The following CCDC60 variants were observed in gnomAD, a reference collection of about 807,000 sequenced individuals.
The protein encoded by CCDC60 is coiled-coil domain-containing protein 60.
A neutral mutation model predicts 63.5 loss-of-function variants in CCDC60; 54 were observed. That is an observed-to-expected ratio of 0.85 (90% CI 0.68 to 1.07). The LOEUF (loss-of-function observed/expected upper bound fraction) is 1.07, where lower values mean the gene tolerates loss of function less well. CCDC60 is among the 50% of genes least tolerant of loss of function. The pLI, the probability that CCDC60 is intolerant of heterozygous loss-of-function variation, is 0.00. For synonymous variants in CCDC60, 206 were observed against 238.8 expected (o/e 0.86, Z 1.27); for missense variants, 651 against 684.3 (o/e 0.95, Z 0.54).
At chr12:119,380,784 A>G (rs1227496355) in intron 1 of CCDC60, among the ~76,000 whole-genome samples, 1 of 152,242 alleles carries the variant, frequency 6.6e-6, no homozygotes, top group Non-Finnish European at 1.5e-5. Flanking sequence ...CCTCAGGCTC[A>G]GAGCCTTGTG....
At chr12:119,386,820 C>G (rs926909222) in intron 1 of CCDC60, among the ~76,000 whole-genome samples, 1 of 152,152 alleles carries the variant, frequency 6.6e-6, no homozygotes, top group Non-Finnish European at 1.5e-5. Flanking sequence ...CAGTCATTAC[C>G]AACCGAGCAT....
intron 1 of CCDC60, among the ~76,000 whole-genome samples, chr12:119,352,460 A>G (rs1955665949): frequency 6.6e-6 from 1 of 152,208 alleles, no homozygotes; most frequent in African/African-American, 2.4e-5. Flanking sequence ...TTTTACAGAT[A>G]AGAAAACAAA....
In CCDC60 at chr12:119,334,774, C is replaced by T. The variant is rs1301802461; in HGVS notation, c.-403C>T. ...TTGGGGCCGCCTTAGTTCTCGGCCGCTCTCGGAGGATGGCGATCTGGGAGC... is the reference window on the plus strand; with the variant it reads ...TTGGGGCCGCCTTAGTTCTCGGCCGTTCTCGGAGGATGGCGATCTGGGAGC... On this transcript the variant is annotated 5_prime_UTR_variant, in exon 1 of 14. Coordinates refer to ENST00000327554, the MANE Select transcript of CCDC60 (RefSeq NM_178499.5). The T allele has an allele frequency of 6.5e-6, 1 of 153,396 alleles. No homozygotes were observed. The highest frequency in any genetic ancestry group is 2.4e-5 in the African/African-American group (1 of 41,432). The allele number at this position is 153,396 out of a possible 1,614,324, so 9.5% of individuals were successfully genotyped here.
chr12:119,527,011 A>C (rs545574832), intron 11 of CCDC60, among the ~76,000 whole-genome samples: 41 of 152,334 alleles, frequency 2.7e-4, no homozygotes, highest in African/African-American at 8.9e-4. Context: ...CACAGAATCA[A>C]TCTAAATGCC....
intron 1 of CCDC60, among the ~76,000 whole-genome samples, chr12:119,386,524 TA>T (rs1956064241): frequency 6.8e-6 from 1 of 148,014 alleles, no homozygotes; most frequent in African/African-American, 2.5e-5. Context: ...AAGCAACCAG[TA>T]ACAGTGAGCT....
intron 1 of CCDC60, among the ~76,000 whole-genome samples, chr12:119,385,725 A>G (rs895560880): frequency 6.6e-6 from 1 of 152,210 alleles, no homozygotes; most frequent in African/African-American, 2.4e-5. Flanking sequence ...TTTTTGCTAC[A>G]TGGACTTGGT....
At chr12:119,455,361 A>G (rs564775380) in intron 2 of CCDC60, among the ~76,000 whole-genome samples, 28 of 152,370 alleles carry the variant, frequency 1.8e-4, no homozygotes, top group African/African-American at 6.3e-4. Flanking sequence ...CAAGTCAATC[A>G]GCAATCACCA....
intron 11 of CCDC60, among the ~76,000 whole-genome samples, chr12:119,525,620 C>T (rs1952659490): frequency 6.6e-6 from 1 of 152,320 alleles, no homozygotes; most frequent in Middle Eastern, 3.4e-3. Flanking sequence ...CACCACCAAA[C>T]TTGCCTTCCA....
intron 1 of CCDC60, among the ~76,000 whole-genome samples, chr12:119,415,971 C>G (rs1335063995): frequency 1.3e-5 from 2 of 152,102 alleles, no homozygotes; most frequent in African/African-American, 4.8e-5. Context: ...GGGTACTGAG[C>G]TCTCCCACTT....
At chr12:119,495,034 G>A (rs1593171094) in intron 5 of CCDC60, among the ~76,000 whole-genome samples, 1 of 152,294 alleles carries the variant, frequency 6.6e-6, no homozygotes, top group Admixed American at 6.5e-5. Flanking sequence ...GAAAATGGCT[G>A]GCACTTGAGT....
intron 4 of CCDC60, among the ~76,000 whole-genome samples, chr12:119,487,436 T>A (rs564334351): frequency 3.9e-5 from 6 of 151,966 alleles, no homozygotes; most frequent in African/African-American, 1.2e-4. Flanking sequence ...TAGCTGGGAT[T>A]ACAGGGGCCT....
In CCDC60 at chr12:119,524,721, C is replaced by CTTTTTTTT. The variant is rs55694840; in HGVS notation, c.1229+915_1229+922dup. On this transcript the variant is annotated intron_variant, in intron 11 of 13. Transcript: ENST00000327554. ...ACAGCAGTTTCTTTTCTTTTCTTTTCTTTTTTTTTTTTTTTTTTTGAGACA... is the reference window on the plus strand; with the variant it reads ...ACAGCAGTTTCTTTTCTTTTCTTTTCTTTTTTTTTTTTTTTTTTTTTTTTTTTGAGACA... Among the ~76,000 whole-genome samples the CTTTTTTTT allele has an allele frequency of 1.2e-3, 115 of 98,890 alleles. 1 individual carries two copies. The highest frequency in any genetic ancestry group is 2.3e-3 in the South Asian group (7 of 3,028). 64.9% of individuals were successfully genotyped at this position (98,890 alleles called of 152,430 possible). A position where few individuals can be genotyped will look rare whatever the true frequency, so the allele number is the denominator to read the frequency against.
At position 119,496,625 on chromosome 12, in the gene CCDC60, C is replaced by T. The variant is rs531792881; in HGVS notation, c.558-3453C>T. On this transcript the variant is annotated intron_variant, in intron 5 of 13. Coordinates refer to ENST00000327554, the MANE Select transcript of CCDC60 (RefSeq NM_178499.5). ...CTCTCTGTACACAGCACCCATGAAG[C>T]CCTTAATAAGCCCCATTTCTTTTCA... Among the ~76,000 whole-genome samples the T allele has an allele frequency of 1.6e-4, 25 of 152,268 alleles. No homozygotes were observed. The East Asian group carries it at 4.3e-3, about 26-fold the overall frequency.
rs551893504 is a variant in CCDC60, at chr12:119,456,549, T to G, written c.171-15445T>G. On this transcript the variant is annotated intron_variant, in intron 2 of 13. Transcript: ENST00000327554. The surrounding 1 kb of genome is among the most constrained non-coding windows in gnomAD (Gnocchi z 4.6). ...CAATCCAGACCCCAAGAGAAGGTTCTTGGATCTTGCACAAGAAAGAATTCA... is the reference window on the plus strand; with the variant it reads ...CAATCCAGACCCCAAGAGAAGGTTCGTGGATCTTGCACAAGAAAGAATTCA... Among the ~76,000 whole-genome samples the G allele has an allele frequency of 6.2e-3, 943 of 152,320 alleles. 12 individuals carry two copies. Among genetic ancestry groups the G allele is most frequent in the African/African-American group, 0.021 (891 of 41,570 alleles).
At chr12:119,416,766 T>A (rs1387576718) in intron 1 of CCDC60, among the ~76,000 whole-genome samples, 1 of 151,794 alleles carries the variant, frequency 6.6e-6, no homozygotes, top group Non-Finnish European at 1.5e-5. Flanking sequence ...GTGCCCTGAG[T>A]TTTTTCAAAA....
At chr12:119,373,762 T>C (rs1459848901) in intron 1 of CCDC60, among the ~76,000 whole-genome samples, 1 of 152,154 alleles carries the variant, frequency 6.6e-6, no homozygotes, top group African/African-American at 2.4e-5. Flanking sequence ...TGGCTTAGCC[T>C]CTTTTCTAGC....
chr12:119,371,652 A>G (rs1018273600), intron 1 of CCDC60, among the ~76,000 whole-genome samples: 7 of 152,124 alleles, frequency 4.6e-5, no homozygotes, highest in African/African-American at 7.2e-5. Context: ...TGCTGTTTCA[A>G]TTTTCTAAAA....
rs1232567282 is a variant in CCDC60, at chr12:119,540,862, C to G, written c.*147C>G. 1 of 579,872 alleles carries G rather than the reference C, an allele frequency of 1.7e-6. No homozygotes were observed. The highest frequency in any genetic ancestry group is 2.2e-5 in the South Asian group (1 of 44,502). The allele number at this position is 579,872 out of a possible 1,614,324, so 35.9% of individuals were successfully genotyped here. On this transcript the variant is annotated 3_prime_UTR_variant, in exon 14 of 14. Transcript: ENST00000327554. The stretch of plus-strand genomic sequence containing the variant: ...TACAGTAGGGTCATCTGGAGACTGA[C>G]TTCCAGCAACATTTTTAGAGGGGGA...
At chr12:119,450,485 A>C (rs1950610429) in intron 2 of CCDC60, among the ~76,000 whole-genome samples, 1 of 152,222 alleles carries the variant, frequency 6.6e-6, no homozygotes, top group South Asian at 2.1e-4. Flanking sequence ...CATTCTAGGC[A>C]GGACAAGCAA....
Sources: gnomAD v4.1 joint callset for allele counts (sites outside exome capture counted in the v4.1 genomes callset) on GRCh38, gnomAD v4.1.1 for gene constraint, Gnocchi (gnomAD v3.1) non-coding constraint, MANE v1.5 for transcripts, NCBI Gene and HGNC (gene_info 2026-07-23, HGNC 2026-07-21) for gene names.